Variants in WIPF3 observed in about 807,000 individuals in gnomAD.
WIPF3 encodes the protein WAS/WASL interacting protein family member 3.
WIPF3 carries 33 observed loss-of-function variants against 38.9 expected under a neutral mutation model. The ratio of observed to expected loss-of-function variants is 0.85; its 90% CI spans 0.64 to 1.14. WIPF3 has a LOEUF of 1.14. WIPF3 is among the 50% of genes most tolerant of loss of function. The pLI, the probability that WIPF3 is intolerant of heterozygous loss-of-function variation, is 0.00. For missense variants in WIPF3, 711 were observed against 652.5 expected (o/e 1.09, Z -0.98); for synonymous variants, 324 against 269.3 (o/e 1.20, Z -1.99).
intron 1 of WIPF3, among the ~76,000 whole-genome samples, chr7:29,811,254 T>TATGATGATG (rs60111327): frequency 0.013 from 1,942 of 149,072 alleles, 36 homozygotes; most frequent in African/African-American, 0.041. Context: ...AATTAGCCAT[T>TATGATGATG]ATGATGATGA....
intron 1 of WIPF3, among the ~76,000 whole-genome samples, chr7:29,830,586 CTCCAGGCTGGG>C (rs1562772492): frequency 6.8e-6 from 1 of 146,720 alleles, no homozygotes; most frequent in Non-Finnish European, 1.5e-5. Context: ...CGCCGCTGCA[CTCCAGGCTGGG>C]TGACAGAGCG....
chr7:29,910,647 T>C (rs1297702822), intron 8 of WIPF3, among the ~76,000 whole-genome samples: 1 of 151,944 alleles, frequency 6.6e-6, no homozygotes, highest in Non-Finnish European at 1.5e-5. Flanking sequence ...ATTGCATTAA[T>C]AGGATGAAGG....
chr7:29,871,867 T>G (rs2128072617), intron 2 of WIPF3, among the ~76,000 whole-genome samples: 1 of 152,314 alleles, frequency 6.6e-6, no homozygotes, highest in Admixed American at 6.5e-5. Flanking sequence ...ACCAAGGGGA[T>G]GAGCTAAGGT....
intron 1 of WIPF3, among the ~76,000 whole-genome samples, chr7:29,831,588 G>A (rs1034765393): frequency 1.3e-5 from 2 of 152,172 alleles, no homozygotes; most frequent in African/African-American, 4.8e-5. Flanking sequence ...TATTGGATAG[G>A]TTCAATATTA....
chr7:29,859,972 C>T (rs1023142338), intron 2 of WIPF3, among the ~76,000 whole-genome samples: 1 of 152,124 alleles, frequency 6.6e-6, no homozygotes, highest in Admixed American at 6.5e-5. Flanking sequence ...GAGACACCAA[C>T]TGTGTGGACA....
At chr7:29,846,876 T>C (rs982774641) in intron 2 of WIPF3, among the ~76,000 whole-genome samples, 1 of 152,218 alleles carries the variant, frequency 6.6e-6, no homozygotes, top group African/African-American at 2.4e-5. Flanking sequence ...TCATACACCT[T>C]GGAAGCAGAA....
At chr7:29,848,281 A>G (rs1038636703) in intron 2 of WIPF3, among the ~76,000 whole-genome samples, 1 of 152,236 alleles carries the variant, frequency 6.6e-6, no homozygotes, top group Non-Finnish European at 1.5e-5. Flanking sequence ...TGGCAGCTCC[A>G]TTCAAACATT....
Position 29,822,945 on chromosome 7 carries a change from A to T in WIPF3, c.-57-11723A>T, listed in dbSNP as rs535440038. ...CTCCTCTCTGCTGCAGTTTAGTGAGACCACTTCCATTTCCAAGAAGCCACC... is the reference window on the plus strand; with the variant it reads ...CTCCTCTCTGCTGCAGTTTAGTGAGTCCACTTCCATTTCCAAGAAGCCACC... On this transcript the variant is annotated intron_variant, in intron 1 of 8. Coordinates refer to ENST00000242140, the MANE Select transcript of WIPF3 (RefSeq NM_001080529.3). 8.5e-5 allele frequency among the ~76,000 whole-genome samples: 13 copies of T among 152,342 alleles called. No homozygotes were observed. In the South Asian group the frequency reaches 2.1e-3, roughly 24 times the overall value.
chr7:29,808,741 A>G (rs1224765602), intron 1 of WIPF3, among the ~76,000 whole-genome samples: 2 of 152,068 alleles, frequency 1.3e-5, no homozygotes, highest in Non-Finnish European at 2.9e-5. Flanking sequence ...ACATACAGTT[A>G]TAAGAACAGG....
chr7:29,876,162 C>T (rs1214899952), intron 3 of WIPF3, among the ~76,000 whole-genome samples, 200 bp downstream of exon 3: 1 of 152,252 alleles, frequency 6.6e-6, no homozygotes, highest in Non-Finnish European at 1.5e-5. Context: ...TAGAGCATAA[C>T]TTCCATCCTT....
chr7:29,874,655 C>A (rs1328240815), intron 2 of WIPF3, among the ~76,000 whole-genome samples: 15 of 152,148 alleles, frequency 9.9e-5, no homozygotes, highest in Non-Finnish European at 2.1e-4. Flanking sequence ...GTGGAGAATC[C>A]TCCTGGCTGT....
intron 1 of WIPF3, among the ~76,000 whole-genome samples, chr7:29,806,885 C>A (rs1417345914): frequency 6.6e-6 from 1 of 151,336 alleles, no homozygotes; most frequent in African/African-American, 2.4e-5. Context: ...TCACGCCCCC[C>A]ACCCGCACCC....
intron 1 of WIPF3, among the ~76,000 whole-genome samples, chr7:29,827,416 A>C (rs979874776): frequency 6.6e-6 from 1 of 152,186 alleles, no homozygotes; most frequent in African/African-American, 2.4e-5. Flanking sequence ...TTTAAAAATA[A>C]AATTCTTTTA....
chr7:29,910,082 A>G lies in WIPF3; in HGVS notation c.1429-4411A>G, dbSNP rs150540329. ...TGCAGTTTAAAATAACTCAAAGAAT[A>G]TAACTGGATTGTCTGTAACCCAAAG... On this transcript the variant is annotated intron_variant, in intron 8 of 8. Transcript: ENST00000242140. 1.5e-3 allele frequency among the ~76,000 whole-genome samples: 227 copies of G among 152,296 alleles called. 2 individuals carry two copies. Among genetic ancestry groups the G allele is most frequent in the South Asian group, 1.7e-3 (8 of 4,826 alleles).
At chr7:29,849,831 G>A (rs1019508702) in intron 2 of WIPF3, among the ~76,000 whole-genome samples, 2 of 152,210 alleles carry the variant, frequency 1.3e-5, no homozygotes, top group African/African-American at 2.4e-5. Context: ...CTAGACCTTA[G>A]CATAGGTCAG....
At chr7:29,820,167 T>C (rs1372524921) in intron 1 of WIPF3, among the ~76,000 whole-genome samples, 1 of 152,106 alleles carries the variant, frequency 6.6e-6, no homozygotes, top group Non-Finnish European at 1.5e-5. Flanking sequence ...CTTTATTAAT[T>C]TTGTTACTGC....
intron 2 of WIPF3, among the ~76,000 whole-genome samples, chr7:29,851,707 G>A (rs1785100552): frequency 6.6e-6 from 1 of 152,360 alleles, no homozygotes; most frequent in Non-Finnish European, 1.5e-5. Flanking sequence ...AAGACCAGCT[G>A]CATGGCCGCA....
intron 7 of WIPF3, among the ~76,000 whole-genome samples, chr7:29,900,571 G>A (rs1263705316): frequency 2.0e-5 from 3 of 152,308 alleles, no homozygotes; most frequent in African/African-American, 7.2e-5. Flanking sequence ...AGTGGGGGAT[G>A]AGAGGAAAGG....
chr7:29,853,955 A>G (rs146088933), intron 2 of WIPF3, among the ~76,000 whole-genome samples: 41 of 152,338 alleles, frequency 2.7e-4, no homozygotes, highest in African/African-American at 8.9e-4. Context: ...TGCAGCATTT[A>G]TGTCTGATAG....
Sources: allele counts gnomAD v4.1 joint callset (sites outside exome capture counted in the v4.1 genomes callset), GRCh38; gene constraint gnomAD v4.1.1; transcripts MANE v1.5; gene names NCBI Gene and HGNC (gene_info 2026-07-23, HGNC 2026-07-21).